Variants in CCDC81 observed in about 807,000 individuals in gnomAD.
CCDC81 encodes the protein coiled-coil domain containing 81, also known as coiled-coil domain-containing protein 81.
In CCDC81, 79 loss-of-function variants were observed where a neutral mutation model predicts 83.7. The ratio of observed to expected loss-of-function variants is 0.94; its 90% CI spans 0.79 to 1.14. CCDC81 has a LOEUF of 1.14. Among genes scored for constraint, CCDC81 ranks in the 50% most tolerant of loss-of-function variants. The pLI is 0.00. For synonymous variants in CCDC81, 252 were observed against 278.1 expected (o/e 0.91, Z 0.93); for missense variants, 791 against 778.1 (o/e 1.02, Z -0.20).
At position 86,421,395 on chromosome 11, in the gene CCDC81, C is replaced by G. The variant is rs913728594; in HGVS notation, c.1818-1179C>G. Among the ~76,000 whole-genome samples, 12 of 152,154 alleles carry G rather than the reference C, an allele frequency of 7.9e-5. No individual in the cohort carries two copies. The East Asian group carries it at 9.7e-4, about 12-fold the overall frequency. On this transcript the variant is annotated intron_variant, in intron 14 of 14. Transcript: ENST00000445632. ...CGCGATCTCGGCTCACTGCAAGCTCCGTCTCCTGGGTTCATGCCATTCTCC... is the reference window on the plus strand; with the variant it reads ...CGCGATCTCGGCTCACTGCAAGCTCGGTCTCCTGGGTTCATGCCATTCTCC...
At chr11:86,381,628 T>C (rs934739590) in intron 1 of CCDC81, among the ~76,000 whole-genome samples, 4 of 152,204 alleles carry the variant, frequency 2.6e-5, no homozygotes, top group African/African-American at 9.7e-5. Context: ...TCCTGGTATT[T>C]GCCTTTCTGT....
In CCDC81 at chr11:86,400,144, A is replaced by AG. The variant is rs1408461346; in HGVS notation, c.758-534_758-533insG. ...AGACTCCATCTCAAAAAAAAAAAAA[A>AG]AAAAGAAAAAGACTGCAACATTTAT... On this transcript the variant is annotated intron_variant, in intron 6 of 14. Coordinates refer to ENST00000445632, the MANE Select transcript of CCDC81 (RefSeq NM_001156474.2). 1.1e-3 allele frequency among the ~76,000 whole-genome samples: 163 copies of AG among 151,718 alleles called. 2 individuals carry two copies. The East Asian group carries it at 0.026, about 24-fold the overall frequency.
chr11:86,390,454 G>A (rs899928821), intron 3 of CCDC81, among the ~76,000 whole-genome samples: 3 of 152,138 alleles, frequency 2.0e-5, no homozygotes, highest in Non-Finnish European at 4.4e-5. Context: ...TGGTGTGATC[G>A]GACTTTAGAA....
intron 14 of CCDC81, among the ~76,000 whole-genome samples, chr11:86,421,649 G>A (rs2138548706): frequency 6.6e-6 from 1 of 152,318 alleles, no homozygotes; most frequent in Admixed American, 6.5e-5. Flanking sequence ...GGATGCCATG[G>A]CTCATGCCTG....
At position 86,422,863 on chromosome 11, in the gene CCDC81, T is replaced by A. The variant is rs1361434183; in HGVS notation, c.*148T>A. The A allele has an allele frequency of 1.3e-6, 1 of 746,378 alleles. No individual in the cohort carries two copies. Among genetic ancestry groups the A allele is most frequent in the Non-Finnish European group, 2.1e-6 (1 of 467,234 alleles). 46.2% of individuals were successfully genotyped at this position (746,378 alleles called of 1,614,324 possible). On this transcript the variant is annotated 3_prime_UTR_variant, in exon 15 of 15. Coordinates refer to ENST00000445632, the MANE Select transcript of CCDC81 (RefSeq NM_001156474.2). ...CATTAGATTGCTTGTTAAGCCCTTATTGAATTCACTCCTGCTTTCCTCCCA... is the reference window on the plus strand; with the variant it reads ...CATTAGATTGCTTGTTAAGCCCTTAATGAATTCACTCCTGCTTTCCTCCCA...
chr11:86,390,082 C>G (rs11234629), intron 3 of CCDC81, among the ~76,000 whole-genome samples: 1 of 151,696 alleles, frequency 6.6e-6, no homozygotes, highest in African/African-American at 2.4e-5. Context: ...TCCAGCCTGG[C>G]GACAGAGTGA....
At chr11:86,375,614 A>T (rs1486969103) in intron 1 of CCDC81, among the ~76,000 whole-genome samples, 1 of 152,160 alleles carries the variant, frequency 6.6e-6, no homozygotes, top group African/African-American at 2.4e-5. Flanking sequence ...TCCTTTTGAG[A>T]GTTCATGCAA....
At position 86,375,044 on chromosome 11, in the gene CCDC81, G is replaced by A. The variant is rs1948080977; in HGVS notation, c.-120G>A. ...GATTTTCGTCACTCTTATTTTTAAG[G>A]CACATCCAAAGCTCCGTGGAGAAGG... is the stretch of plus-strand genomic sequence containing the variant. On this transcript the variant is annotated 5_prime_UTR_variant, in exon 1 of 15. Coordinates refer to ENST00000445632, the MANE Select transcript of CCDC81 (RefSeq NM_001156474.2). 1.2e-6 allele frequency: 1 copy of A among 847,986 alleles called. No homozygotes were observed. Among genetic ancestry groups the A allele is most frequent in the Non-Finnish European group, 2.0e-6 (1 of 493,126 alleles). The allele number at this position is 847,986 out of a possible 1,614,324, so 52.5% of individuals were successfully genotyped here. A position where few individuals can be genotyped will look rare whatever the true frequency, so the allele number is the denominator to read the frequency against.
In CCDC81 at chr11:86,398,521, T is replaced by C. The variant is rs750797290; in HGVS notation, c.757+779T>C. 6.7e-4 allele frequency among the ~76,000 whole-genome samples: 102 copies of C among 152,080 alleles called. 1 individual carries two copies. The highest frequency in any genetic ancestry group is 2.2e-3 in the Admixed American group (33 of 15,278). On this transcript the variant is annotated intron_variant, in intron 6 of 14. Transcript: ENST00000445632. ...AAGCAAATGAAGAAAATCCTAGGAC[T>C]CCAAAGATTTTTTTTTTTTTTAACC...
chr11:86,395,443 G>C, intron 5 of CCDC81, 30 bp downstream of exon 5: 1 of 1,572,308 alleles, frequency 6.4e-7, no homozygotes, highest in African/African-American at 1.3e-5. Context: ...GGTTCCTCTA[G>C]GCACTAGCAC....
intron 13 of CCDC81, among the ~76,000 whole-genome samples, chr11:86,418,160 T>G (rs1958342172): frequency 6.6e-6 from 1 of 151,912 alleles, no homozygotes. Context: ...CAAACCACAA[T>G]CACAGTGAGA....
chr11:86,391,327 G>A (rs143878616), intron 3 of CCDC81, among the ~76,000 whole-genome samples: 125 of 152,270 alleles, frequency 8.2e-4, no homozygotes, highest in Admixed American at 2.9e-3. Flanking sequence ...TAGCAGTGGT[G>A]GACATTTGAA....
In CCDC81 at chr11:86,386,059, A is replaced by C; in HGVS notation, c.88A>C (p.Ile30Leu). 2 of 1,526,376 alleles carry C rather than the reference A, an allele frequency of 1.3e-6. No individual in the cohort carries two copies. Among genetic ancestry groups the C allele is most frequent in the Non-Finnish European group, 1.8e-6 (2 of 1,122,192 alleles). The allele number at this position is 1,526,376 out of a possible 1,614,324, so 94.6% of individuals were successfully genotyped here. ...LPSLSQEEVSIIWGNVSEFVR... is the reference protein window; with the variant it reads ...LPSLSQEEVSLIWGNVSEFVR... ...TTACTTTTGAATTTCAGAAGTCTCT[A>C]TTATCTGGGGGAATGTATCAGAATT... is the stretch of plus-strand genomic sequence containing the variant. Residue 30 changes from isoleucine to leucine, a missense_variant, in exon 2 of 15, where the codon ATT (isoleucine) becomes CTT (leucine). Coordinates refer to ENST00000445632, the MANE Select transcript of CCDC81 (RefSeq NM_001156474.2).
intron 7 of CCDC81, among the ~76,000 whole-genome samples, chr11:86,405,785 C>CTTTTTTT (rs146946869): frequency 4.7e-5 from 6 of 128,626 alleles, no homozygotes; most frequent in East Asian, 2.1e-4. Context: ...CTTCTTTTTT[C>CTTTTTTT]TTTTTTTTTT....
At position 86,411,503 on chromosome 11, in the gene CCDC81, A is replaced by G. The variant is rs575208249; in HGVS notation, c.1219-884A>G. On this transcript the variant is annotated intron_variant, in intron 10 of 14. Coordinates refer to ENST00000445632, the MANE Select transcript of CCDC81 (RefSeq NM_001156474.2). ...TTGTCTGTCTCCTGCATCAGCATGC[A>G]GGCTTGATGAGTGCGAAGATCTCTG... is the stretch of plus-strand genomic sequence containing the variant. 2.0e-4 allele frequency among the ~76,000 whole-genome samples: 31 copies of G among 152,324 alleles called. No individual in the cohort carries two copies. In the East Asian group the frequency reaches 3.9e-3, roughly 19 times the overall value.
intron 6 of CCDC81, among the ~76,000 whole-genome samples, chr11:86,398,943 C>G (rs1948446007): frequency 6.6e-6 from 1 of 152,098 alleles, no homozygotes; most frequent in South Asian, 2.1e-4. Flanking sequence ...GAGGACTGTT[C>G]CTCTAGCAGA....
In CCDC81 at chr11:86,381,599, C is replaced by T. The variant is rs113027054; in HGVS notation, c.80-4452C>T. Among the ~76,000 whole-genome samples, 116 of 152,254 alleles carry T rather than the reference C, an allele frequency of 7.6e-4. 2 individuals carry two copies. The highest frequency in any genetic ancestry group is 2.4e-3 in the African/African-American group (98 of 41,548). On this transcript the variant is annotated intron_variant, in intron 1 of 14. Transcript: ENST00000445632. ...TTGATGCTGTTTCTGCATGTGAGTC[C>T]GTTTCAGGAAGCCATTCCTCCTGGT... is the stretch of plus-strand genomic sequence containing the variant.
In CCDC81 at chr11:86,414,933, G is replaced by A. The variant is rs961228693; in HGVS notation, c.1470+66G>A. On this transcript the variant is annotated intron_variant, in intron 12 of 14. Coordinates refer to ENST00000445632, the MANE Select transcript of CCDC81 (RefSeq NM_001156474.2). ...GCATCAATAACATCCTAAAATATGT[G>A]TAAGTTGTTACGAATATTTTTATGT... The A allele has an allele frequency of 2.8e-6, 4 of 1,445,628 alleles. No individual in the cohort carries two copies. The Admixed American group carries it at 8.1e-5, about 29-fold the overall frequency. 89.6% of individuals were successfully genotyped at this position (1,445,628 alleles called of 1,614,324 possible).
At position 86,386,102 on chromosome 11, in the gene CCDC81, C is replaced by A. The variant is rs1326084006; in HGVS notation, c.131C>A (p.Thr44Asn). The change falls in exon 2 of 15, where the codon ACC becomes AAC. Residue 44 changes from threonine to asparagine, a missense_variant. Physicochemically the swap from Thr to Asn is moderately conservative, Grantham distance 65. Transcript: ENST00000445632. ...NVSEFVRRQL[T>N]LHKGVQIPAF... Reference sequence around the variant, plus strand: ...TCAGAATTTGTGAGACGGCAGTTAACCCTGCACAAGGTAAGATTTATTAAT... The same window carrying A: ...TCAGAATTTGTGAGACGGCAGTTAAACCTGCACAAGGTAAGATTTATTAAT... 1 of 1,436,298 alleles carries A rather than the reference C, an allele frequency of 7.0e-7. No homozygotes were observed. The highest frequency in any genetic ancestry group is 9.5e-7 in the Non-Finnish European group (1 of 1,058,092). The allele number at this position is 1,436,298 out of a possible 1,614,324, so 89.0% of individuals were successfully genotyped here.
Sources: gnomAD v4.1 joint callset for allele counts (sites outside exome capture counted in the v4.1 genomes callset) on GRCh38, gnomAD v4.1.1 for gene constraint, MANE v1.5 for transcripts, NCBI Gene and HGNC (gene_info 2026-07-23, HGNC 2026-07-21) for gene names.